Variants in CCSER2 observed in about 807,000 individuals in gnomAD.
The protein encoded by CCSER2 is serine-rich coiled-coil domain-containing protein 2.
In CCSER2, 46 loss-of-function variants were observed where a neutral mutation model predicts 92.3. The ratio of observed to expected loss-of-function variants is 0.50; its 90% CI spans 0.39 to 0.64. The LOEUF is 0.64. Ranked by LOEUF, CCSER2 falls within the 30% of genes least tolerant of loss-of-function variation. The probability of loss-of-function intolerance (pLI) is 0.00; values close to 1 mark genes in which losing one functional copy is unlikely to be tolerated. For missense variants in CCSER2, 1,244 were observed against 1,238.9 expected (o/e 1.00, Z -0.06); for synonymous variants, 433 against 431.4 (o/e 1.00, Z -0.04).
chr10:84,358,761 C>T (rs527713386), intron 1 of CCSER2, among the ~76,000 whole-genome samples: 2 of 150,846 alleles, frequency 1.3e-5, no homozygotes, highest in South Asian at 4.2e-4. Context: ...CTATTCCCTC[C>T]TCCACCATCT....
At chr10:84,500,120 C>T (rs994738268) in intron 9 of CCSER2, 1 of 403,042 alleles carries the variant, frequency 2.5e-6, no homozygotes, top group African/African-American at 2.2e-5. Context: ...TTAACACTTC[C>T]TTTTACTGCA....
intron 7 of CCSER2, among the ~76,000 whole-genome samples, chr10:84,467,154 T>A (rs1188769244): frequency 6.6e-6 from 1 of 152,220 alleles, no homozygotes. Context: ...GCTGTAGACG[T>A]TTGACATGAC....
intron 3 of CCSER2, among the ~76,000 whole-genome samples, chr10:84,384,574 C>A (rs532664595): frequency 6.6e-6 from 1 of 152,272 alleles, no homozygotes; most frequent in South Asian, 2.1e-4. Flanking sequence ...TACAGCATCC[C>A]TTCATGATAA....
At chr10:84,338,532 A>C (rs1843978220) in intron 1 of CCSER2, among the ~76,000 whole-genome samples, 1 of 152,138 alleles carries the variant, frequency 6.6e-6, no homozygotes, top group African/African-American at 2.4e-5. Flanking sequence ...AATGAAATTA[A>C]CTTTATCCTC....
chr10:84,333,883 G>A (rs1301019629), intron 1 of CCSER2, among the ~76,000 whole-genome samples: 2 of 152,302 alleles, frequency 1.3e-5, no homozygotes, highest in East Asian at 3.9e-4. Flanking sequence ...GTGATGTATT[G>A]TACCTATTCT....
Position 84,513,721 on chromosome 10 carries a change from T to C in CCSER2, c.2598T>C (p.Asn866=), listed in dbSNP as rs1207195683. 6.5e-7 allele frequency: 1 copy of C among 1,538,112 alleles called. No individual in the cohort carries two copies. The highest frequency in any genetic ancestry group is 8.7e-7 in the Non-Finnish European group (1 of 1,147,190). ...AAGCAAACTTAAACATTACTGTAAA[T>C]GCTCAAGAGCCTTATCATTTGGCAA... The part of the protein sequence containing the change: ...PSEANLNITV[N]AQEPYHLANN... Residue 866 remains asparagine, a synonymous_variant, in exon 10 of 10, where the codon AAT becomes AAC. Coordinates refer to ENST00000372088, the MANE Select transcript of CCSER2 (RefSeq NM_001284240.2).
chr10:84,367,467 C>T lies in CCSER2; in HGVS notation c.-39-3547C>T, dbSNP rs779392322. On this transcript the variant is annotated intron_variant, in intron 1 of 9. Transcript: ENST00000372088. ...TCACGGCTCACTGCAGCCTCAACCT[C>T]GTGGGCTCAGTTGATCTTCCCGCTT... Among the ~76,000 whole-genome samples, 5 of 151,808 alleles carry T rather than the reference C, an allele frequency of 3.3e-5. 1 individual carries two copies. The highest frequency in any genetic ancestry group is 1.3e-4 in the Admixed American group (2 of 15,222).
chr10:84,359,999 A>C (rs1253331582), intron 1 of CCSER2, among the ~76,000 whole-genome samples: 3 of 152,006 alleles, frequency 2.0e-5, no homozygotes, highest in African/African-American at 7.3e-5. Flanking sequence ...TTTTTAGTAG[A>C]GATGGGGTTT....
chr10:84,441,736 GTTTTTTTTTTTTTTTTTTTTTTTTTTTTT>G (rs869280119), intron 6 of CCSER2, among the ~76,000 whole-genome samples: 7 of 43,598 alleles, frequency 1.6e-4, no homozygotes, highest in African/African-American at 4.4e-4. Context: ...CTGGGAAAAT[GTTTTTTTTTTTTTTTTTTTTTTTTTTTTT>G]TTTTTTTTTT....
chr10:84,401,664 A>G (rs1842126355), intron 3 of CCSER2, among the ~76,000 whole-genome samples: 1 of 152,232 alleles, frequency 6.6e-6, no homozygotes, highest in Admixed American at 6.5e-5. Flanking sequence ...GAAAATGGAA[A>G]GAGATCCCCA....
At chr10:84,335,601 C>T (rs1843793093) in intron 1 of CCSER2, among the ~76,000 whole-genome samples, 2 of 152,044 alleles carry the variant, frequency 1.3e-5, no homozygotes, top group Admixed American at 6.6e-5. Flanking sequence ...AGTTGCCTAC[C>T]CTCCTCCCCA....
intron 6 of CCSER2, among the ~76,000 whole-genome samples, chr10:84,444,598 T>A (rs1844793391): frequency 6.6e-6 from 1 of 152,162 alleles, no homozygotes; most frequent in Admixed American, 6.5e-5. Flanking sequence ...AGTGGTGTTC[T>A]AGAAGATACC....
rs34510394 is a variant in CCSER2 at position 84,465,314 on chromosome 10, ATTTTT to A, written c.2148+1323_2148+1327del. Among the ~76,000 whole-genome samples, 141 of 49,892 alleles carry A rather than the reference ATTTTT, an allele frequency of 2.8e-3. 1 individual carries two copies. The highest frequency in any genetic ancestry group is 0.013 in the African/African-American group (121 of 9,480). 32.7% of individuals were successfully genotyped at this position (49,892 alleles called of 152,430 possible). On this transcript the variant is annotated intron_variant, in intron 7 of 9. Transcript: ENST00000372088. ...GTGAAAAAGTTTTTTACATGTAAAG[ATTTTT>A]TTTTTTTTTTTTTTTTTTTTTTTTA...
intron 3 of CCSER2, among the ~76,000 whole-genome samples, chr10:84,406,393 A>C (rs1475112706): frequency 6.6e-6 from 1 of 152,194 alleles, no homozygotes; most frequent in Non-Finnish European, 1.5e-5. Flanking sequence ...TATACCCCCC[A>C]AAATTAATTT....
chr10:84,400,436 G>T (rs1248833405), intron 3 of CCSER2, among the ~76,000 whole-genome samples: 1 of 152,138 alleles, frequency 6.6e-6, no homozygotes, highest in Non-Finnish European at 1.5e-5. Flanking sequence ...CTCCCGAAGT[G>T]CTAGAAATAC....
At chr10:84,416,001 A>G (rs1192829404) in intron 3 of CCSER2, among the ~76,000 whole-genome samples, 1 of 152,128 alleles carries the variant, frequency 6.6e-6, no homozygotes, top group African/African-American at 2.4e-5. Context: ...GGAATATGCA[A>G]AACTCATGTA....
Position 84,514,359 on chromosome 10 carries a change from G to C in CCSER2, c.*92G>C. 1.1e-6 allele frequency: 1 copy of C among 898,142 alleles called. No individual in the cohort carries two copies. The allele number at this position is 898,142 out of a possible 1,614,324, so 55.6% of individuals were successfully genotyped here. A position where few individuals can be genotyped will look rare whatever the true frequency, so the allele number is the denominator to read the frequency against. On this transcript the variant is annotated 3_prime_UTR_variant, in exon 10 of 10. Coordinates refer to ENST00000372088, the MANE Select transcript of CCSER2 (RefSeq NM_001284240.2). ...GCTTGCAGCTTGCTACTGTGGTGGA[G>C]GTTCCATTGAAAGCCTGCAAATCTT... is the stretch of plus-strand genomic sequence containing the variant.
At chr10:84,403,861 C>T (rs1195352170) in intron 3 of CCSER2, among the ~76,000 whole-genome samples, 1 of 152,104 alleles carries the variant, frequency 6.6e-6, no homozygotes, top group Non-Finnish European at 1.5e-5. Flanking sequence ...TACAAATGCT[C>T]CAAGCTAAAT....
intron 6 of CCSER2, among the ~76,000 whole-genome samples, chr10:84,460,364 CA>C (rs2133651238): frequency 6.6e-6 from 1 of 151,774 alleles, no homozygotes; most frequent in African/African-American, 2.4e-5. Context: ...CTTGGCCTCC[CA>C]AAGTGCTGGG....
Sources: gnomAD v4.1 joint callset for allele counts (sites outside exome capture counted in the v4.1 genomes callset) on GRCh38, gnomAD v4.1.1 for gene constraint, MANE v1.5 for transcripts, NCBI Gene and HGNC (gene_info 2026-07-23, HGNC 2026-07-21) for gene names.